C2orf76: variants seen among roughly 807,000 people sequenced by gnomAD.
The protein encoded by C2orf76 is UPF0538 protein C2orf76.
Under a neutral mutation model 16.9 loss-of-function variants are expected in C2orf76, and 23 were observed. That is an observed-to-expected ratio of 1.36 (90% confidence interval 0.98 to 1.93). C2orf76 has a LOEUF of 1.93. Ranked by LOEUF, C2orf76 falls within the 30% of genes most tolerant of loss-of-function variation. The pLI is 0.00. For missense variants in C2orf76, 152 were observed against 152.6 expected, an observed-to-expected ratio of 1.00 and a Z score of 0.02; for synonymous variants, 48 against 52.3, an observed-to-expected ratio of 0.92 and a Z score of 0.35.
the C2orf76 span, among the ~76,000 whole-genome samples, chr2:119,293,227 T>A: frequency 6.6e-6 from 1 of 151,748 alleles, no homozygotes; most frequent in Non-Finnish European, 1.5e-5. Context: ...GACAAATGAG[T>A]TTTGCAAGGG....
At chr2:119,291,470 GAAAATTGCAACCAGAAGAA>G in the C2orf76 span, among the ~76,000 whole-genome samples, 1 of 151,974 alleles carries the variant, frequency 6.6e-6, no homozygotes, top group African/African-American at 2.4e-5. Context: ...CCTAATTGGG[GAAAATTGCAACCAGAAGAA>G]AGGGGATATG....
intron 1 of C2orf76, among the ~76,000 whole-genome samples, chr2:119,361,482 C>T (rs1027272304): frequency 2.0e-5 from 3 of 151,894 alleles, no homozygotes; most frequent in Admixed American, 6.6e-5. Context: ...TAAAAAAATA[C>T]GGATACACAC....
downstream of C2orf76, chr2:119,302,110 A>G (rs936805344): frequency 6.4e-6 from 1 of 156,568 alleles, no homozygotes; most frequent in Non-Finnish European, 1.4e-5. Context: ...AAAAATATAC[A>G]ATAAACAGTA....
intron 1 of C2orf76, among the ~76,000 whole-genome samples, chr2:119,344,905 A>C (rs913083983): frequency 2.0e-5 from 3 of 152,186 alleles, no homozygotes; most frequent in Admixed American, 2.0e-4. Flanking sequence ...GTGGCATCTC[A>C]AATTAGTGGG....
intron 1 of C2orf76, among the ~76,000 whole-genome samples, chr2:119,343,475 T>C (rs1573668060): frequency 6.9e-6 from 1 of 145,964 alleles, no homozygotes; most frequent in African/African-American, 2.5e-5. Context: ...CACCTATACC[T>C]ACACACACAC....
intron 2 of C2orf76, among the ~76,000 whole-genome samples, chr2:119,324,311 T>C (rs1300297951): frequency 1.3e-5 from 2 of 152,204 alleles, no homozygotes; most frequent in African/African-American, 4.8e-5. Flanking sequence ...TTAACTGAAG[T>C]GCCATCTCCT....
rs1214673471 is a variant in C2orf76, at chr2:119,338,546, G to T, written c.133+1281C>A. ...GGAGTGAGGAGAATGAGAGAGAAAG[G>T]GGAAGAGGAGAGAGGGGAGAGAGTG... On this transcript the variant is annotated intron_variant, in intron 2 of 5. Coordinates refer to ENST00000334816, the MANE Select transcript of C2orf76 (RefSeq NM_001322331.2). 3.9e-5 allele frequency among the ~76,000 whole-genome samples: 6 copies of T among 152,164 alleles called. No individual in the cohort carries two copies. The East Asian group carries it at 1.2e-3, about 29-fold the overall frequency.
intron 1 of C2orf76, among the ~76,000 whole-genome samples, chr2:119,350,012 C>T (rs1050805440): frequency 1.4e-5 from 2 of 147,364 alleles, no homozygotes; most frequent in African/African-American, 5.1e-5. Context: ...AATCCTCCTG[C>T]ATTAGCTTCC....
intron 2 of C2orf76, among the ~76,000 whole-genome samples, chr2:119,334,958 G>A (rs1040894388): frequency 7.7e-4 from 117 of 152,196 alleles, no homozygotes; most frequent in African/African-American, 2.7e-3. Context: ...TGCTATACCT[G>A]TATGCTAGAA....
chr2:119,303,232 C>T (rs1484699085), intron 5 of C2orf76, among the ~76,000 whole-genome samples: 1 of 152,222 alleles, frequency 6.6e-6, no homozygotes, highest in African/African-American at 2.4e-5. Flanking sequence ...AGTCACAATT[C>T]TTTCAACCTA....
the C2orf76 span, among the ~76,000 whole-genome samples, chr2:119,285,859 C>A: frequency 6.6e-6 from 1 of 152,102 alleles, no homozygotes; most frequent in Non-Finnish European, 1.5e-5. Context: ...TGTGTGCAGG[C>A]CATGGAGATG....
chr2:119,314,013 G>GGTTTTT (rs1322330760), intron 4 of C2orf76, among the ~76,000 whole-genome samples: 34 of 53,770 alleles, frequency 6.3e-4, no homozygotes, highest in African/African-American at 3.4e-3. Context: ...TTTTCTCAGT[G>GGTTTTT]GTTTTTTTTT....
At chr2:119,311,339 T>G in intron 5 of C2orf76, 1 of 985,384 alleles carries the variant, frequency 1.0e-6, no homozygotes, top group Non-Finnish European at 1.2e-6. Context: ...GACGTGGTAC[T>G]TACAACCCGT....
At chr2:119,356,329 G>A (rs1304519961) in intron 1 of C2orf76, among the ~76,000 whole-genome samples, 3 of 151,230 alleles carry the variant, frequency 2.0e-5, no homozygotes. Context: ...TTGAACCCAG[G>A]AGGGAGAGGT....
In C2orf76 at chr2:119,358,841, G is replaced by A. The variant is rs563840302; in HGVS notation, c.-13+7949C>T. 2.0e-5 allele frequency among the ~76,000 whole-genome samples: 3 copies of A among 152,308 alleles called. No individual in the cohort carries two copies. The South Asian group carries it at 6.2e-4, about 32-fold the overall frequency. ...AAAAAAAGTGCAAAATGAAGCCTCA[G>A]GTGCTGATGTAGAAGCTGCACCAAG... On this transcript the variant is annotated intron_variant, in intron 1 of 5. Transcript: ENST00000334816.
chr2:119,300,019 C>T (rs1265682468), downstream of C2orf76, among the ~76,000 whole-genome samples: 3 of 152,314 alleles, frequency 2.0e-5, no homozygotes, highest in Admixed American at 2.0e-4. Flanking sequence ...CATTCTACCT[C>T]AGGTCTCCAC....
intron 1 of C2orf76, chr2:119,366,584 G>T: frequency 2.2e-6 from 1 of 461,662 alleles, no homozygotes. Flanking sequence ...CCAGGTCTCA[G>T]AGTTTACTTG....
intron 2 of C2orf76, among the ~76,000 whole-genome samples, chr2:119,337,346 C>T (rs1379573387): frequency 6.6e-6 from 1 of 152,004 alleles, no homozygotes; most frequent in African/African-American, 2.4e-5. Context: ...GCTGGGATTA[C>T]AGATGTGAGC....
intron 1 of C2orf76, among the ~76,000 whole-genome samples, chr2:119,365,501 T>A (rs1328828601): frequency 6.6e-6 from 1 of 152,196 alleles, no homozygotes; most frequent in Non-Finnish European, 1.5e-5. Flanking sequence ...AAACATTCCA[T>A]AAAACGTGAC....
Sources: gnomAD v4.1 joint callset for allele counts (sites outside exome capture counted in the v4.1 genomes callset) on GRCh38, gnomAD v4.1.1 for gene constraint, MANE v1.5 for transcripts, NCBI Gene and HGNC (gene_info 2026-07-23, HGNC 2026-07-21) for gene names.